The following ABCA1 variants were observed in gnomAD, a reference collection of about 807,000 sequenced individuals.
ABCA1 encodes phospholipid-transporting ATPase ABCA1.
A neutral mutation model predicts 262.5 loss-of-function variants in ABCA1; 133 were observed. The observed-to-expected ratio is 0.51, with a 90% CI of 0.44 to 0.59. The LOEUF is 0.59. Ranked by LOEUF, ABCA1 falls within the 20% of genes least tolerant of loss-of-function variation. The probability of loss-of-function intolerance (pLI) is 0.00; values close to 1 mark genes in which losing one functional copy is unlikely to be tolerated. For missense variants in ABCA1, 2,452 were observed against 2,777.5 expected, an observed-to-expected ratio of 0.88 and a Z score of 2.63; for synonymous variants, 1,022 against 1,043.5, an observed-to-expected ratio of 0.98 and a Z score of 0.40.
chr9:104,899,991 C>T (rs572302733), intron 2 of ABCA1, among the ~76,000 whole-genome samples: 1 of 152,280 alleles, frequency 6.6e-6, no homozygotes, highest in South Asian at 2.1e-4. Flanking sequence ...TTTCACAACT[C>T]AATTCAATTT....
chr9:104,840,545 G>A, intron 8 of ABCA1, 26 bp from the exon 9 acceptor site: 1 of 1,606,168 alleles, frequency 6.2e-7, no homozygotes, highest in East Asian at 2.2e-5. Flanking sequence ...GGGACAGAAA[G>A]GAGGGTAGGG....
intron 5 of ABCA1, among the ~76,000 whole-genome samples, chr9:104,879,414 C>T (rs1010297813): frequency 6.6e-6 from 1 of 152,224 alleles, no homozygotes; most frequent in Non-Finnish European, 1.5e-5. Context: ...AGCTTCAAGT[C>T]TTTGTCCCAC....
intron 9 of ABCA1, among the ~76,000 whole-genome samples, chr9:104,838,305 C>CAAA (rs35594183): frequency 9.5e-6 from 1 of 105,434 alleles, no homozygotes; most frequent in Non-Finnish European, 2.0e-5. Context: ...CTCTGTCTCC[C>CAAA]AAAAAAAAAA....
intron 16 of ABCA1, among the ~76,000 whole-genome samples, chr9:104,826,100 A>G (rs1317144067): frequency 6.6e-6 from 1 of 152,256 alleles, no homozygotes; most frequent in African/African-American, 2.4e-5. Flanking sequence ...CTCATTATAT[A>G]CAAACATTTC....
chr9:104,805,831 G>A (rs940999356), intron 31 of ABCA1, among the ~76,000 whole-genome samples: 13 of 152,338 alleles, frequency 8.5e-5, no homozygotes, highest in East Asian at 5.8e-4. Context: ...AGGGCTGGGC[G>A]TAGTGGCTCA....
At chr9:104,858,814 C>T in intron 6 of ABCA1, 116 bp from the exon 7 acceptor site, 2 of 1,050,434 alleles carry the variant, frequency 1.9e-6, no homozygotes, top group Admixed American at 1.8e-5. Context: ...GATCTTAAAA[C>T]AGGTTCCATT....
At position 104,786,932 on chromosome 9, in the gene ABCA1, C is replaced by G; in HGVS notation, c.6249G>C (p.Leu2083Phe). ...TGMDPKARRF[L>F]WNCALSVVKE... ...TGACAACACTTAGGGCACAATTCCACAAGAACCGCCGGGCTTTGGGATCCA... is the reference window on the plus strand; with the variant it reads ...TGACAACACTTAGGGCACAATTCCAGAAGAACCGCCGGGCTTTGGGATCCA... Residue 2083 changes from leucine to phenylalanine, a missense_variant, in exon 47 of 50, where the codon TTG becomes TTC. Physicochemically the swap from Leu to Phe is conservative, Grantham distance 22. Transcript: ENST00000374736. 6.2e-7 allele frequency: 1 copy of G among 1,614,036 alleles called. No individual in the cohort carries two copies. Among genetic ancestry groups the G allele is most frequent in the Non-Finnish European group, 8.5e-7 (1 of 1,179,980 alleles).
At chr9:104,791,313 G>A (rs1829403135) in intron 43 of ABCA1, among the ~76,000 whole-genome samples, 1 of 152,120 alleles carries the variant, frequency 6.6e-6, no homozygotes. Context: ...CACCTACTCT[G>A]GCAAAAGGGC....
intron 8 of ABCA1, among the ~76,000 whole-genome samples, chr9:104,844,628 A>C (rs1265977251): frequency 6.6e-6 from 1 of 152,246 alleles, no homozygotes; most frequent in Non-Finnish European, 1.5e-5. Context: ...AGATACAAGC[A>C]CCAAAAAAAG....
chr9:104,811,017 A>G (rs1831233841), intron 28 of ABCA1, 93 bp from the exon 29 acceptor site: 24 of 1,567,276 alleles, frequency 1.5e-5, no homozygotes, highest in African/African-American at 2.7e-5. Flanking sequence ...AGTCCAGCCC[A>G]CCTCCCCGAC....
At chr9:104,914,112 T>C (rs1234577422) in intron 1 of ABCA1, among the ~76,000 whole-genome samples, 1 of 151,908 alleles carries the variant, frequency 6.6e-6, no homozygotes, top group African/African-American at 2.4e-5. Flanking sequence ...TACAAGTTTT[T>C]GGCACCTGAC....
chr9:104,902,451 T>C (rs1315395771), intron 2 of ABCA1, among the ~76,000 whole-genome samples: 1 of 152,226 alleles, frequency 6.6e-6, no homozygotes, highest in Non-Finnish European at 1.5e-5. Context: ...TGATAGCATT[T>C]ACTGCCATGC....
chr9:104,886,248 C>T (rs1035570504), intron 3 of ABCA1, among the ~76,000 whole-genome samples: 1 of 152,162 alleles, frequency 6.6e-6, no homozygotes, highest in African/African-American at 2.4e-5. Context: ...TTGTTTTATT[C>T]ATCTTTTTAT....
At chr9:104,799,552 T>G (rs1369704658) in intron 36 of ABCA1, 5 of 982,560 alleles carry the variant, frequency 5.1e-6, no homozygotes, top group Non-Finnish European at 6.0e-6. Context: ...TATAATTTAA[T>G]TAACAATTTT....
At chr9:104,919,675 G>C (rs535772339) in intron 1 of ABCA1, among the ~76,000 whole-genome samples, 13 of 152,066 alleles carry the variant, frequency 8.5e-5, no homozygotes, top group Non-Finnish European at 1.6e-4. Flanking sequence ...TTTTATTTTA[G>C]AGAGATTTTC....
At position 104,840,286 on chromosome 9, in the gene ABCA1, G is replaced by A; in HGVS notation, c.1047C>T (p.Asn349=). ...GTCTGCATGGACACTCACTTGTAGA[G>A]TTGTCATAGAAGGTTTCAGCATCTT... The part of the protein sequence containing the change: ...TEEDAETFYD[N]STTPYCNDLM... The change falls in exon 9 of 50, where the codon AAC becomes AAT. Residue 349 remains asparagine (N), a synonymous_variant. Coordinates refer to ENST00000374736, the MANE Select transcript of ABCA1 (RefSeq NM_005502.4). 3.1e-6 allele frequency: 5 copies of A among 1,614,230 alleles called. No individual in the cohort carries two copies. Among genetic ancestry groups the A allele is most frequent in the Non-Finnish European group, 4.2e-6 (5 of 1,180,040 alleles).
intron 5 of ABCA1, among the ~76,000 whole-genome samples, chr9:104,865,236 T>C (rs1390742006): frequency 6.6e-6 from 1 of 152,196 alleles, no homozygotes; most frequent in African/African-American, 2.4e-5. Flanking sequence ...GAGCAACTAA[T>C]GAGAACTGCT....
chr9:104,808,164 G>C (rs554837892), intron 30 of ABCA1, among the ~76,000 whole-genome samples: 2 of 152,116 alleles, frequency 1.3e-5, no homozygotes, highest in Non-Finnish European at 2.9e-5. Flanking sequence ...AGTAAGAATT[G>C]TAAGGATAAA....
Position 104,798,414 on chromosome 9 carries a change from T to C in ABCA1, c.5121+7A>G. On this transcript the variant is annotated splice_region_variant and intron_variant, in intron 37 of 49. Coordinates refer to ENST00000374736, the MANE Select transcript of ABCA1 (RefSeq NM_005502.4). ...ATCAGAAAGATACAGCAGGCCTGTG[T>C]CCTTACCATATCCCAGACAAAATTA... The C allele has an allele frequency of 1.2e-6, 2 of 1,614,126 alleles. No homozygotes were observed. Among genetic ancestry groups the C allele is most frequent in the Non-Finnish European group, 1.7e-6 (2 of 1,179,958 alleles).
Sources: gnomAD v4.1 joint callset for allele counts (sites outside exome capture counted in the v4.1 genomes callset) on GRCh38, gnomAD v4.1.1 for gene constraint, MANE v1.5 for transcripts, NCBI Gene and HGNC (gene_info 2026-07-23, HGNC 2026-07-21) for gene names.